Variants in CPM observed in about 807,000 individuals in gnomAD.
The protein encoded by CPM is carboxypeptidase M, also known as renal carboxypeptidase.
CPM carries 35 observed loss-of-function variants against 46.4 expected under a neutral mutation model. The ratio of observed to expected loss-of-function variants is 0.75; its 90% CI spans 0.58 to 1.00. The LOEUF (loss-of-function observed/expected upper bound fraction) is 1.00, where lower values mean the gene tolerates loss of function less well. CPM is among the 50% of genes least tolerant of loss of function. CPM has a pLI of 0.00. For synonymous variants in CPM, 195 were observed against 195.3 expected (o/e 1.00, Z 0.01); for missense variants, 422 against 530.4 (o/e 0.80, Z 2.01).
At chr12:68,921,137 C>CTT (rs766006373) in intron 2 of CPM, among the ~76,000 whole-genome samples, 7 of 142,540 alleles carry the variant, frequency 4.9e-5, no homozygotes, top group Non-Finnish European at 7.7e-5. Flanking sequence ...TATTTAAACA[C>CTT]TTTTTTTTTT....
intron 1 of CPM, among the ~76,000 whole-genome samples, chr12:68,944,887 T>C (rs1056971901): frequency 6.6e-6 from 1 of 151,496 alleles, no homozygotes. Flanking sequence ...AAAAAAATCA[T>C]AGGGGTGTGG....
At chr12:68,868,574 G>C (rs73336494) in intron 6 of CPM, among the ~76,000 whole-genome samples, 1 of 151,916 alleles carries the variant, frequency 6.6e-6, no homozygotes, top group African/African-American at 2.4e-5. Context: ...CTCCTACCCC[G>C]GGTTTCTGTT....
intron 7 of CPM, among the ~76,000 whole-genome samples, chr12:68,863,924 A>C (rs903391222): frequency 6.6e-6 from 1 of 152,160 alleles, no homozygotes; most frequent in Non-Finnish European, 1.5e-5. Flanking sequence ...TCACAAACAA[A>C]ATATTCATTA....
At chr12:68,939,511 G>A (rs1303617065) in intron 1 of CPM, among the ~76,000 whole-genome samples, 1 of 151,766 alleles carries the variant, frequency 6.6e-6, no homozygotes, top group African/African-American at 2.4e-5. Context: ...TCTTTACAGA[G>A]CAAAATTATT....
chr12:68,885,029 C>T (rs1248953667), intron 3 of CPM, among the ~76,000 whole-genome samples: 1 of 152,146 alleles, frequency 6.6e-6, no homozygotes, highest in African/African-American at 2.4e-5. Flanking sequence ...CTGCAGCCTC[C>T]ACCTCCTGGG....
At chr12:68,933,819 G>T (rs1365152877), upstream of CPM, among the ~76,000 whole-genome samples, 1 of 152,198 alleles carries the variant, frequency 6.6e-6, no homozygotes, top group African/African-American at 2.4e-5. Context: ...TTACATAGTG[G>T]GTGGGATTTG....
chr12:68,871,554 T>C (rs536668432), intron 4 of CPM: 1 of 527,106 alleles, frequency 1.9e-6, no homozygotes, highest in East Asian at 3.1e-5. Flanking sequence ...GAGTGGCAAA[T>C]GAAGATGGAG....
At chr12:68,913,324 G>C (rs1887675618) in intron 2 of CPM, among the ~76,000 whole-genome samples, 1 of 152,140 alleles carries the variant, frequency 6.6e-6, no homozygotes, top group Admixed American at 6.5e-5. Flanking sequence ...CAAATCAGTA[G>C]AGGTGGTTAA....
intron 2 of CPM, among the ~76,000 whole-genome samples, chr12:68,919,315 T>C (rs1965341): frequency 0.09 from 13,743 of 152,266 alleles, 1,458 homozygotes; most frequent in African/African-American, 0.25. Flanking sequence ...CTCTCCATTA[T>C]ACTAAACTAT....
At chr12:68,875,361 AAAAG>A (rs199503427) in intron 3 of CPM, among the ~76,000 whole-genome samples, 4 of 112,592 alleles carry the variant, frequency 3.6e-5, no homozygotes, top group Non-Finnish European at 8.7e-5. Context: ...CCTCAAAAAA[AAAAG>A]AAGTTGAGGG....
chr12:68,882,746 T>C (rs1358971514), intron 3 of CPM, among the ~76,000 whole-genome samples: 4 of 152,222 alleles, frequency 2.6e-5, no homozygotes, highest in Non-Finnish European at 1.5e-5. Flanking sequence ...TTTTTATTAA[T>C]AGCCATTCTG....
intron 2 of CPM, among the ~76,000 whole-genome samples, chr12:68,901,173 G>A (rs775571293): frequency 2.0e-5 from 3 of 152,110 alleles, no homozygotes; most frequent in Non-Finnish European, 4.4e-5. Flanking sequence ...TATTGACTTT[G>A]CCACAGTAGG....
At chr12:68,933,930 C>G (rs1888617201), upstream of CPM, among the ~76,000 whole-genome samples, 1 of 152,126 alleles carries the variant, frequency 6.6e-6, no homozygotes, top group Admixed American at 6.5e-5. Context: ...AGTCTTAGGC[C>G]AATTACAGGT....
At chr12:68,875,193 A>G (rs1249838816) in intron 3 of CPM, among the ~76,000 whole-genome samples, 1 of 152,056 alleles carries the variant, frequency 6.6e-6, no homozygotes, top group Admixed American at 6.6e-5. Context: ...TCTACTAAAA[A>G]TACAAAAATT....
downstream of CPM, chr12:68,847,210 A>ATATATATATATATATATATATATATATG (rs1565756805): frequency 7.9e-4 from 107 of 135,088 alleles, 3 homozygotes; most frequent in African/African-American, 3.2e-3. Flanking sequence ...ATATATATAT[A>ATATATATATATATATATATATATATATG]TACTTTTTTT....
chr12:68,866,860 G>C (rs1451468442), intron 7 of CPM, 36 bp downstream of exon 7: 4 of 1,560,874 alleles, frequency 2.6e-6, no homozygotes, highest in African/African-American at 1.4e-5. Flanking sequence ...GCTCTATTTT[G>C]TATTAATAGG....
chr12:68,956,174 C>G (rs74878201), intron 1 of CPM, among the ~76,000 whole-genome samples: 1 of 152,336 alleles, frequency 6.6e-6, no homozygotes, highest in African/African-American at 2.4e-5. Flanking sequence ...AGCATGCACA[C>G]TTGGCCAAGT....
At chr12:68,926,194 A>T (rs1246763800) in intron 2 of CPM, among the ~76,000 whole-genome samples, 2 of 152,226 alleles carry the variant, frequency 1.3e-5, no homozygotes, top group Non-Finnish European at 2.9e-5. Flanking sequence ...CTGGGATTAC[A>T]GGTGTGAGCC....
At position 68,917,070 on chromosome 12, in the gene CPM, G is replaced by T. The variant is rs374335391; in HGVS notation, c.160+15608C>A. Among the ~76,000 whole-genome samples the T allele has an allele frequency of 8.5e-5, 13 of 152,152 alleles. No individual in the cohort carries two copies. In the East Asian group the frequency reaches 2.5e-3, roughly 29 times the overall value. On this transcript the variant is annotated intron_variant, in intron 2 of 8. Coordinates refer to ENST00000551568, the MANE Select transcript of CPM (RefSeq NM_198320.5). ...AAAACGTGTTTAACAGCCTGTATAA[G>T]GTCCTCCATAATCTACCCCACACTC...
Sources: gnomAD v4.1 joint callset for allele counts (sites outside exome capture counted in the v4.1 genomes callset) on GRCh38, gnomAD v4.1.1 for gene constraint, MANE v1.5 for transcripts, NCBI Gene and HGNC (gene_info 2026-07-23, HGNC 2026-07-21) for gene names.